Variants in DLGAP1 observed in about 807,000 individuals in gnomAD.
DLGAP1 encodes the protein disks large-associated protein 1.
Under a neutral mutation model 90.8 loss-of-function variants are expected in DLGAP1, and 11 were observed. That is an observed-to-expected ratio of 0.12 (90% confidence interval 0.08 to 0.20). The LOEUF (loss-of-function observed/expected upper bound fraction) is 0.20. Ranked by LOEUF, DLGAP1 falls within the 10% of genes least tolerant of loss-of-function variation. The probability of loss-of-function intolerance (pLI) is 1.00; values close to 1 mark genes in which losing one functional copy is unlikely to be tolerated. For missense variants in DLGAP1, 1,050 were observed against 1,333.8 expected (o/e 0.79, Z 3.31); for synonymous variants, 558 against 540.7 (o/e 1.03, Z -0.44).
chr18:3,577,760 A>AT (rs148181602), intron 8 of DLGAP1, among the ~76,000 whole-genome samples: 3,435 of 152,178 alleles, frequency 0.023, 137 homozygotes, highest in African/African-American at 0.078. Context: ...TTTATCTGTG[A>AT]TTTTTTACTC....
In DLGAP1 at chr18:3,499,290, C is replaced by T; in HGVS notation, c.2829G>A (p.Lys943=). 1.3e-6 allele frequency: 2 copies of T among 1,592,176 alleles called. No individual in the cohort carries two copies. The highest frequency in any genetic ancestry group is 2.7e-5 in the African/African-American group (2 of 74,186). Residue 943 remains lysine, a synonymous_variant, in exon 13 of 13, where the codon AAG becomes AAA. Coordinates refer to ENST00000315677, the MANE Select transcript of DLGAP1 (RefSeq NM_004746.4). This position sits in a 1 kb window ranked among gnomAD's most constrained non-coding sequence, Gnocchi z 6.4. Reference sequence around the variant, plus strand: ...CGGCGCGCTTGGCGGCCATCAGGCGCTTGCGGGCCTCCTGGCGCTGCGAGC... The same window carrying T: ...CGGCGCGCTTGGCGGCCATCAGGCGTTTGCGGGCCTCCTGGCGCTGCGAGC... ...LESSQRQEAR[K]RLMAAKRAAS... is the part of the protein sequence containing the mutation.
At position 3,742,405 on chromosome 18, in the gene DLGAP1, C is replaced by T. The variant is rs2147700984; in HGVS notation, c.1280G>A (p.Gly427Asp). ...NRSLDSLDPAGLLTSPKFRSR... is the reference protein window; with the variant it reads ...NRSLDSLDPADLLTSPKFRSR... ...GCGGAACTTTGGTGATGTGAGCAAG[C>T]CTGCAGGGTCCAGGCTGTCCAGGCT... Residue 427 changes from glycine (G) to aspartate (D), a missense_variant, in exon 6 of 13, where the codon GGC becomes GAC. Around this residue, in one of 2 missense-constraint regions of DLGAP1, gnomAD observed 565 missense variants for 879.7 expected, o/e 0.64. Transcript: ENST00000315677. The T allele has an allele frequency of 2.5e-6, 4 of 1,614,144 alleles. No individual in the cohort carries two copies. The highest frequency in any genetic ancestry group is 2.5e-6 in the Non-Finnish European group (3 of 1,180,026).
intron 5 of DLGAP1, among the ~76,000 whole-genome samples, chr18:3,806,991 A>G (rs1282965758): frequency 6.6e-6 from 1 of 152,168 alleles, no homozygotes; most frequent in Non-Finnish European, 1.5e-5. Flanking sequence ...CCAGGCTCCT[A>G]AGAGTCCGTC....
rs2062357646 is a variant in DLGAP1, at chr18:3,729,915, A to C, written c.1351-540T>G. 6.6e-6 allele frequency among the ~76,000 whole-genome samples: 1 copy of C among 152,244 alleles called. No homozygotes were observed. The highest frequency in any genetic ancestry group is 1.5e-5 in the Non-Finnish European group (1 of 68,044). On this transcript the variant is annotated intron_variant, in intron 6 of 12. Transcript: ENST00000315677. This position sits in a 1 kb window ranked among gnomAD's most constrained non-coding sequence, Gnocchi z 6.2. ...TTTTACAGTGCCTTTTGAAGTGACT[A>C]GTTTGTCAAATAATTTCAGTGTTAA...
At chr18:4,439,957 A>T (rs1439808994) in intron 1 of DLGAP1, among the ~76,000 whole-genome samples, 2 of 151,694 alleles carry the variant, frequency 1.3e-5, no homozygotes, top group Non-Finnish European at 2.9e-5. Context: ...TAGCTCTACT[A>T]AAAATACAAA....
Position 3,793,596 on chromosome 18 carries a change from C to G in DLGAP1, c.1172+20463G>C, listed in dbSNP as rs188797625. Reference sequence around the variant, plus strand: ...GAGTCCCATGTCACTTAGAGTACAACTCGAAGTGCTCCCCGTGGCCCATGC... The same window carrying G: ...GAGTCCCATGTCACTTAGAGTACAAGTCGAAGTGCTCCCCGTGGCCCATGC... On this transcript the variant is annotated intron_variant, in intron 5 of 12. Transcript: ENST00000315677. Among the ~76,000 whole-genome samples the G allele has an allele frequency of 3.5e-4, 54 of 152,278 alleles. 1 individual carries two copies. In the South Asian group the frequency reaches 3.7e-3, roughly 11 times the overall value.
chr18:3,747,632 C>T (rs904836167), intron 5 of DLGAP1, among the ~76,000 whole-genome samples: 9 of 152,198 alleles, frequency 5.9e-5, no homozygotes, highest in African/African-American at 1.2e-4. Flanking sequence ...AGTGAAAGTC[C>T]GGCGTTTTGA....
intron 11 of DLGAP1, among the ~76,000 whole-genome samples, chr18:3,504,664 C>A (rs1467547402): frequency 6.6e-6 from 1 of 152,094 alleles, no homozygotes; most frequent in Non-Finnish European, 1.5e-5. Context: ...ATTACAGGTA[C>A]AAGCCACTTC....
rs951226861 is a variant in DLGAP1 at position 3,591,007 on chromosome 18, T to TA, written c.1592-8760dup. Among the ~76,000 whole-genome samples, 16 of 151,504 alleles carry TA rather than the reference T, an allele frequency of 1.1e-4. 1 individual carries two copies. The highest frequency in any genetic ancestry group is 2.4e-4 in the Non-Finnish European group (16 of 67,824). On this transcript the variant is annotated intron_variant, in intron 7 of 12. Coordinates refer to ENST00000315677, the MANE Select transcript of DLGAP1 (RefSeq NM_004746.4). ...TTATGGGTTTGTTTTTTGTATGTCT[T>TA]AAAAAAAAAGTCCTCTTTCTAGTAA...
chr18:3,958,620 TAC>T (rs1241684189), intron 3 of DLGAP1, among the ~76,000 whole-genome samples: 2 of 52,954 alleles, frequency 3.8e-5, no homozygotes, highest in Non-Finnish European at 4.0e-5. Context: ...TAATCCTCTT[TAC>T]AAAAAAAAAA....
intron 1 of DLGAP1, among the ~76,000 whole-genome samples, chr18:4,298,864 G>A (rs1318273023): frequency 1.3e-5 from 2 of 152,030 alleles, no homozygotes; most frequent in African/African-American, 4.8e-5. Context: ...GGTGGATCAC[G>A]AGGTCAAGAG....
Position 3,499,163 on chromosome 18 carries a change from C to T in DLGAP1, c.*22G>A. 3 of 1,527,918 alleles carry T rather than the reference C, an allele frequency of 2.0e-6. No individual in the cohort carries two copies. Among genetic ancestry groups the T allele is most frequent in the East Asian group, 5.0e-5 (2 of 39,794 alleles). 94.6% of individuals were successfully genotyped at this position (1,527,918 alleles called of 1,614,324 possible). On this transcript the variant is annotated 3_prime_UTR_variant, in exon 13 of 13. Transcript: ENST00000315677. The surrounding 1 kb of genome is among the most constrained non-coding windows in gnomAD (Gnocchi z 6.4). ...GGAGGAGGGGACAGATGCTTGGCGG[C>T]GGCGGCCGGGCTGCGGGGCGCTCAG...
At chr18:3,628,315 A>C (rs1015600870) in intron 7 of DLGAP1, among the ~76,000 whole-genome samples, 1 of 148,942 alleles carries the variant, frequency 6.7e-6, no homozygotes, top group Admixed American at 6.8e-5. Context: ...TCAGCCTCCC[A>C]AGTAGGTGGG....
In DLGAP1 at chr18:4,383,336, C is replaced by T. The variant is rs77791525; in HGVS notation, c.-267+71670G>A. ...GAGTAAAATAATATGTACTTAAACT[C>T]AAAATATTTAGTACATTAATGGGAT... is the stretch of plus-strand genomic sequence containing the variant. On this transcript the variant is annotated intron_variant, in intron 1 of 12. Transcript: ENST00000315677. This position sits in a 1 kb window ranked among gnomAD's most constrained non-coding sequence, Gnocchi z 4.0. 2.1e-3 allele frequency among the ~76,000 whole-genome samples: 315 copies of T among 152,144 alleles called. 2 individuals are homozygous for T. Among genetic ancestry groups the T allele is most frequent in the African/African-American group, 6.9e-3 (287 of 41,530 alleles).
At chr18:3,861,890 T>G (rs2070086131) in intron 4 of DLGAP1, among the ~76,000 whole-genome samples, 1 of 152,230 alleles carries the variant, frequency 6.6e-6, no homozygotes, top group South Asian at 2.1e-4. Flanking sequence ...GCTGAAGTGA[T>G]CTCTCTCTTT....
intron 3 of DLGAP1, among the ~76,000 whole-genome samples, chr18:3,980,367 C>A (rs2073700724): frequency 6.6e-6 from 1 of 152,068 alleles, no homozygotes; most frequent in Non-Finnish European, 1.5e-5. Context: ...AGGAAGACGG[C>A]TCTGCCACAG....
At chr18:3,591,582 A>G (rs2145557182) in intron 7 of DLGAP1, among the ~76,000 whole-genome samples, 1 of 151,942 alleles carries the variant, frequency 6.6e-6, no homozygotes, top group East Asian at 2.0e-4. Context: ...TGGCACCTGT[A>G]GTCCCAGCTA....
intron 3 of DLGAP1, among the ~76,000 whole-genome samples, chr18:3,982,511 G>A (rs1413844749): frequency 6.6e-6 from 1 of 152,152 alleles, no homozygotes; most frequent in Non-Finnish European, 1.5e-5. Context: ...AGACAGACTT[G>A]TGATTTGGTG....
chr18:3,885,412 T>C (rs1185809183), intron 3 of DLGAP1: 3 of 152,182 alleles, frequency 2.0e-5, no homozygotes, highest in African/African-American at 7.2e-5. Context: ...TCATAAGCCT[T>C]TTGGCCACTA....
Sources: gnomAD v4.1 joint callset for allele counts (sites outside exome capture counted in the v4.1 genomes callset) on GRCh38, gnomAD v4.1.1 for gene constraint, gnomAD v4.1.1 regional missense constraint, Gnocchi (gnomAD v3.1) non-coding constraint, MANE v1.5 for transcripts, NCBI Gene and HGNC (gene_info 2026-07-23, HGNC 2026-07-21) for gene names.